Variants in MLXIP observed in about 807,000 individuals in gnomAD.
MLXIP encodes MLX-interacting protein.
MLXIP carries 30 observed loss-of-function variants against 87.2 expected under a neutral mutation model. The observed-to-expected ratio is 0.34, with a 90% CI of 0.26 to 0.47. The LOEUF is 0.47. Among genes scored for constraint, MLXIP ranks in the 20% least tolerant of loss-of-function variants. MLXIP has a pLI of 1.00. For missense variants in MLXIP, 1,002 were observed against 1,240.1 expected (o/e 0.81, Z 2.88); for synonymous variants, 530 against 514.0 (o/e 1.03, Z -0.42).
intron 1 of MLXIP, among the ~76,000 whole-genome samples, chr12:122,080,532 GAT>G (rs1201989353): frequency 6.6e-6 from 1 of 152,254 alleles, no homozygotes; most frequent in East Asian, 1.9e-4. Context: ...TGGAATAAAC[GAT>G]TAGTCAACTT....
At position 122,142,538 on chromosome 12, in the gene MLXIP, C is replaced by A. The variant is rs1342002206; in HGVS notation, c.*726C>A. Reference sequence around the variant, plus strand: ...ATGTTTCATCTGTCCCCTTTTAGCTCCACCTGACATTGCAGGATCCATGGG... The same window carrying A: ...ATGTTTCATCTGTCCCCTTTTAGCTACACCTGACATTGCAGGATCCATGGG... On this transcript the variant is annotated 3_prime_UTR_variant, in exon 17 of 17. Transcript: ENST00000319080. The A allele has an allele frequency of 1.4e-5, 5 of 347,970 alleles. No homozygotes were observed. Among genetic ancestry groups the A allele is most frequent in the Middle Eastern group, 1.0e-3 (1 of 1,002 alleles). The allele number at this position is 347,970 out of a possible 1,614,324, so 21.6% of individuals were successfully genotyped here.
chr12:122,121,307 CTTTT>C (rs35967072), intron 1 of MLXIP, among the ~76,000 whole-genome samples: 1 of 118,226 alleles, frequency 8.5e-6, no homozygotes, highest in African/African-American at 3.4e-5. Context: ...TGTGCCCAGC[CTTTT>C]TTTTTTTTTT....
rs1188321697 is a variant in MLXIP at position 122,135,383 on chromosome 12, C to T, written c.1854+38C>T. On this transcript the variant is annotated intron_variant, in intron 10 of 16. Coordinates refer to ENST00000319080, the MANE Select transcript of MLXIP (RefSeq NM_014938.6). This position sits in a 1 kb window ranked among gnomAD's most constrained non-coding sequence, Gnocchi z 5.3. ...CTAGGCAGACCTGCAGTGTCCTTCT[C>T]ACCCCGGAGCACTCTGATCTTGGGC... 2 of 1,600,766 alleles carry T rather than the reference C, an allele frequency of 1.2e-6. No individual in the cohort carries two copies. The highest frequency in any genetic ancestry group is 2.2e-5 in the East Asian group (1 of 44,776).
intron 1 of MLXIP, among the ~76,000 whole-genome samples, chr12:122,087,282 C>T (rs951882018): frequency 6.6e-6 from 1 of 152,164 alleles, no homozygotes; most frequent in Admixed American, 6.5e-5. Flanking sequence ...GCGGGTTAGT[C>T]CTCTCCCCTC....
rs538612621 is a variant in MLXIP at position 122,107,705 on chromosome 12, C to T, written c.414-19551C>T. On this transcript the variant is annotated intron_variant, in intron 1 of 16. Transcript: ENST00000319080. ...TGTCCAAGGCTGCAGAGCTGGCAGG[C>T]AGTTGGACACTGACTGCCCTCTCCC... Among the ~76,000 whole-genome samples, 463 of 152,296 alleles carry T rather than the reference C, an allele frequency of 3.0e-3. 1 individual carries two copies. The highest frequency in any genetic ancestry group is 5.0e-3 in the Admixed American group (77 of 15,304).
chr12:122,088,637 G>A (rs1016407661), intron 1 of MLXIP, among the ~76,000 whole-genome samples: 11 of 152,166 alleles, frequency 7.2e-5, no homozygotes, highest in Admixed American at 6.5e-4. Flanking sequence ...CAGTTTTCAG[G>A]CTTTGGAGAA....
At chr12:122,130,411 ACGGGGTACGTGTGC>A (rs1302558247) in intron 6 of MLXIP, among the ~76,000 whole-genome samples, 1 of 151,684 alleles carries the variant, frequency 6.6e-6, no homozygotes, top group Non-Finnish European at 1.5e-5. Context: ...CGTTCTCTTC[ACGGGGTACGTGTGC>A]CGTGCCTAAG....
chr12:122,084,426 A>T (rs890362305), intron 1 of MLXIP, among the ~76,000 whole-genome samples: 1 of 152,176 alleles, frequency 6.6e-6, no homozygotes, highest in Non-Finnish European at 1.5e-5. Context: ...GACCTGGGGA[A>T]AGAGTCCAGG....
intron 1 of MLXIP, among the ~76,000 whole-genome samples, chr12:122,101,227 G>A (rs895869100): frequency 3.9e-5 from 6 of 152,136 alleles, no homozygotes; most frequent in Non-Finnish European, 8.8e-5. Context: ...ACATAGAGGT[G>A]TATGCTCATG....
At chr12:122,123,609 T>C (rs1952820113) in intron 1 of MLXIP, among the ~76,000 whole-genome samples, 1 of 152,162 alleles carries the variant, frequency 6.6e-6, no homozygotes, top group Non-Finnish European at 1.5e-5. Context: ...CCCCTCATTG[T>C]GTGTGATTAA....
At chr12:122,134,089 G>T in intron 9 of MLXIP, 102 bp downstream of exon 9, 1 of 1,355,042 alleles carries the variant, frequency 7.4e-7, no homozygotes, top group Non-Finnish European at 9.8e-7. Flanking sequence ...CACCACCCTG[G>T]TGTGCACGTG....
At chr12:122,122,326 G>A (rs1488176177) in intron 1 of MLXIP, among the ~76,000 whole-genome samples, 1 of 152,052 alleles carries the variant, frequency 6.6e-6, no homozygotes, top group Non-Finnish European at 1.5e-5. Context: ...GCTCTGCCAG[G>A]GAGGGCTGCC....
chr12:122,135,087 A>T lies in MLXIP; in HGVS notation c.1733-137A>T. The T allele has an allele frequency of 9.7e-7, 1 of 1,031,682 alleles. No individual in the cohort carries two copies. The highest frequency in any genetic ancestry group is 1.4e-5 in the South Asian group (1 of 72,850). The allele number at this position is 1,031,682 out of a possible 1,614,324, so 63.9% of individuals were successfully genotyped here. On this transcript the variant is annotated intron_variant, in intron 9 of 16. Transcript: ENST00000319080. The surrounding 1 kb of genome is among the most constrained non-coding windows in gnomAD (Gnocchi z 5.3). ...TTCAAGAAGTCACACAAATGGTTTT[A>T]GGTGCCTTGGTGGCTTTGTCTTCCT...
intron 1 of MLXIP, among the ~76,000 whole-genome samples, chr12:122,116,072 A>ACACACACACACT (rs1439277789): frequency 6.6e-6 from 1 of 151,764 alleles, no homozygotes; most frequent in African/African-American, 2.4e-5. Flanking sequence ...ACACACACAC[A>ACACACACACACT]CACACACACA....
intron 9 of MLXIP, 168 bp downstream of exon 9, chr12:122,134,155 C>T: frequency 1.2e-6 from 1 of 841,116 alleles, no homozygotes; most frequent in East Asian, 2.9e-5. Context: ...TAATACATGG[C>T]CATGATCTAG....
intron 1 of MLXIP, among the ~76,000 whole-genome samples, chr12:122,122,077 G>A (rs993607425): frequency 2.0e-5 from 3 of 152,150 alleles, no homozygotes; most frequent in Non-Finnish European, 2.9e-5. Flanking sequence ...AGATGGCAGG[G>A]GCGGGTTCAG....
intron 1 of MLXIP, among the ~76,000 whole-genome samples, chr12:122,090,496 CAA>C (rs374603278): frequency 1.4e-4 from 19 of 139,670 alleles, no homozygotes; most frequent in African/African-American, 3.1e-4. Flanking sequence ...GACTCTGTCT[CAA>C]AAAAAAAAAA....
chr12:122,098,096 T>C (rs908361844), intron 1 of MLXIP, among the ~76,000 whole-genome samples: 3 of 152,228 alleles, frequency 2.0e-5, no homozygotes, highest in African/African-American at 7.2e-5. Flanking sequence ...CTGATAAGTT[T>C]GTTTGCTTAT....
At chr12:122,129,697 C>G in intron 5 of MLXIP, 68 bp downstream of exon 5, 1 of 1,576,466 alleles carries the variant, frequency 6.3e-7, no homozygotes, top group Non-Finnish European at 8.6e-7. Context: ...CGGTGGCCCA[C>G]CAGGGAGCCC....
Sources: gnomAD v4.1 joint callset for allele counts (sites outside exome capture counted in the v4.1 genomes callset) on GRCh38, gnomAD v4.1.1 for gene constraint, Gnocchi (gnomAD v3.1) non-coding constraint, MANE v1.5 for transcripts, NCBI Gene and HGNC (gene_info 2026-07-23, HGNC 2026-07-21) for gene names.